Variants in ANXA2 observed in about 807,000 individuals in gnomAD.
The protein encoded by ANXA2 is annexin A2.
In ANXA2, 28 loss-of-function variants were observed where a neutral mutation model predicts 47.3. The ratio of observed to expected loss-of-function variants is 0.59; its 90% confidence interval spans 0.44 to 0.81. The LOEUF (loss-of-function observed/expected upper bound fraction) is 0.81, where lower values mean the gene tolerates loss of function less well. Ranked by LOEUF, ANXA2 falls within the 40% of genes least tolerant of loss-of-function variation. The pLI is 0.00. For synonymous variants in ANXA2, 172 were observed against 155.5 expected, an observed-to-expected ratio of 1.11 and a Z score of -0.79; for missense variants, 384 against 414.3, an observed-to-expected ratio of 0.93 and a Z score of 0.64.
intron 1 of ANXA2, among the ~76,000 whole-genome samples, chr15:60,391,931 T>A (rs2063016968): frequency 6.6e-6 from 1 of 152,122 alleles, no homozygotes. Context: ...TTCAATCTGT[T>A]GATGAGTACA....
At chr15:60,365,660 A>G (rs995934689) in intron 3 of ANXA2, among the ~76,000 whole-genome samples, 1 of 152,216 alleles carries the variant, frequency 6.6e-6, no homozygotes, top group Non-Finnish European at 1.5e-5. Flanking sequence ...CAAAAAGTAT[A>G]AAGTTAGAAT....
At chr15:60,363,990 C>T (rs543648307) in intron 4 of ANXA2, among the ~76,000 whole-genome samples, 1 of 152,236 alleles carries the variant, frequency 6.6e-6, no homozygotes, top group Non-Finnish European at 1.5e-5. Context: ...TGTTGTTGTT[C>T]CCTATTCCTA....
At position 60,382,209 on chromosome 15, in the gene ANXA2, G is replaced by C; in HGVS notation, c.148+133C>G. The C allele has an allele frequency of 7.6e-6, 5 of 662,036 alleles. No individual in the cohort carries two copies. The East Asian group carries it at 8.2e-5, about 11-fold the overall frequency. The allele number at this position is 662,036 out of a possible 1,614,324, so 41.0% of individuals were successfully genotyped here. On this transcript the variant is annotated intron_variant, in intron 3 of 12. Coordinates refer to ENST00000451270, the MANE Select transcript of ANXA2 (RefSeq NM_004039.3). ...GGAAAGGAGGCATGGGTTGAGCTAG[G>C]TCTGGATCTACTCCATTAAAGCTCG...
At chr15:60,397,304 G>C (rs2063093766) in intron 1 of ANXA2, 2 of 985,634 alleles carry the variant, frequency 2.0e-6, no homozygotes, top group Non-Finnish European at 2.4e-6. Flanking sequence ...TCTCCGGGTA[G>C]AGTGAAATCC....
intron 7 of ANXA2, 101 bp downstream of exon 7, chr15:60,355,818 G>T: frequency 1.0e-6 from 1 of 999,470 alleles, no homozygotes; most frequent in Non-Finnish European, 1.6e-6. Context: ...AATTTCTGAT[G>T]CAGGCACAGG....
At chr15:60,390,213 C>A in intron 1 of ANXA2, 2 of 969,446 alleles carry the variant, frequency 2.1e-6, no homozygotes, top group Non-Finnish European at 1.2e-6. Context: ...TCACACTTAC[C>A]ACAAAGCAGT....
intron 2 of ANXA2, chr15:60,384,220 T>C (rs1386305922): frequency 6.6e-6 from 1 of 152,230 alleles, no homozygotes; most frequent in East Asian, 1.9e-4. Flanking sequence ...TTCCCATTTA[T>C]TAAGAGTGCC....
chr15:60,367,256 G>C (rs1164978840), intron 3 of ANXA2, among the ~76,000 whole-genome samples: 6 of 128,272 alleles, frequency 4.7e-5, no homozygotes, highest in African/African-American at 1.2e-4. Context: ...CGCCCCGTCC[G>C]GGAGGGAGGT....
chr15:60,355,424 G>C (rs1410597013), intron 7 of ANXA2: 6 of 234,972 alleles, frequency 2.6e-5, no homozygotes, highest in Non-Finnish European at 4.2e-5. Flanking sequence ...ACGCTGGCCA[G>C]AACTAGGGAT....
chr15:60,387,062 A>G (rs1300143612), intron 1 of ANXA2: 1 of 152,242 alleles, frequency 6.6e-6, no homozygotes, highest in Non-Finnish European at 1.5e-5. Context: ...TGTTTAGTCT[A>G]AATATTTTCA....
chr15:60,375,507 T>C (rs1269469762), intron 3 of ANXA2, among the ~76,000 whole-genome samples: 1 of 152,224 alleles, frequency 6.6e-6, no homozygotes, highest in Non-Finnish European at 1.5e-5. Context: ...ACAGCTGTGT[T>C]GTACACGCCA....
intron 1 of ANXA2, chr15:60,393,146 G>A (rs969427107): frequency 7.0e-6 from 9 of 1,276,918 alleles, no homozygotes; most frequent in African/African-American, 3.1e-5. Context: ...CAGTGACCTC[G>A]ATCAAACTGA....
At chr15:60,371,267 A>G (rs1358414718) in intron 3 of ANXA2, among the ~76,000 whole-genome samples, 1 of 152,234 alleles carries the variant, frequency 6.6e-6, no homozygotes, top group Non-Finnish European at 1.5e-5. Flanking sequence ...GTCCGAAGCA[A>G]TAGCTTTGCC....
intron 1 of ANXA2, chr15:60,396,423 C>T (rs927655600): frequency 6.6e-6 from 1 of 152,028 alleles, no homozygotes. Flanking sequence ...GCCAGAAGAG[C>T]GTCTCTAAGG....
intron 4 of ANXA2, among the ~76,000 whole-genome samples, chr15:60,362,052 G>A (rs1307467759): frequency 2.0e-5 from 3 of 152,040 alleles, no homozygotes; most frequent in African/African-American, 4.8e-5. Flanking sequence ...TGAATCATTC[G>A]TAGATGTCAA....
intron 3 of ANXA2, among the ~76,000 whole-genome samples, chr15:60,368,663 C>T (rs2062672042): frequency 1.3e-5 from 2 of 151,480 alleles, no homozygotes; most frequent in Admixed American, 6.6e-5. Flanking sequence ...GTCTCTATAT[C>T]AAAATTTTAA....
chr15:60,350,301 T>C (rs1895949747), intron 11 of ANXA2, among the ~76,000 whole-genome samples: 1 of 152,096 alleles, frequency 6.6e-6, no homozygotes, highest in Admixed American at 6.5e-5. Context: ...ATTCAATAAA[T>C]ATATACTGAG....
intron 4 of ANXA2, among the ~76,000 whole-genome samples, chr15:60,364,049 G>A (rs2062556235): frequency 6.6e-6 from 1 of 152,210 alleles, no homozygotes; most frequent in African/African-American, 2.4e-5. Context: ...GGTTGGGGGA[G>A]GGTACTGTCC....
intron 2 of ANXA2, among the ~76,000 whole-genome samples, chr15:60,385,397 C>T (rs746642249): frequency 6.6e-6 from 1 of 152,138 alleles, no homozygotes; most frequent in Non-Finnish European, 1.5e-5. Flanking sequence ...GAAACCCAGT[C>T]TCAACTAAAA....
Sources: gnomAD v4.1 joint callset for allele counts (sites outside exome capture counted in the v4.1 genomes callset) on GRCh38, gnomAD v4.1.1 for gene constraint, MANE v1.5 for transcripts, NCBI Gene and HGNC (gene_info 2026-07-23, HGNC 2026-07-21) for gene names.